The following SGCZ variants were observed in gnomAD, a reference collection of about 807,000 sequenced individuals.
The protein encoded by SGCZ is zeta-sarcoglycan.
Under a neutral mutation model 41.3 loss-of-function variants are expected in SGCZ, and 40 were observed. The ratio of observed to expected loss-of-function variants is 0.97; its 90% CI spans 0.75 to 1.26. SGCZ has a LOEUF of 1.26. Ranked by LOEUF, SGCZ falls within the 50% of genes most tolerant of loss-of-function variation. The probability of loss-of-function intolerance (pLI) is 0.00; values close to 1 mark genes in which losing one functional copy is unlikely to be tolerated. For synonymous variants in SGCZ, 206 were observed against 137.5 expected (o/e 1.50, Z -3.49); for missense variants, 552 against 369.8 (o/e 1.49, Z -4.04).
intron 1 of SGCZ, among the ~76,000 whole-genome samples, chr8:14,834,514 T>A (rs1476050069): frequency 1.3e-5 from 2 of 152,100 alleles, no homozygotes; most frequent in Non-Finnish European, 2.9e-5. Flanking sequence ...GTTCCCCACC[T>A]GAAAAGATGT....
intron 4 of SGCZ, among the ~76,000 whole-genome samples, chr8:14,213,396 A>G (rs1285099319): frequency 1.3e-5 from 2 of 152,126 alleles, no homozygotes; most frequent in Non-Finnish European, 2.9e-5. Flanking sequence ...AAATTGGCCC[A>G]TTTTCCAAGC....
chr8:14,939,275 A>G (rs1044070410), intron 1 of SGCZ, among the ~76,000 whole-genome samples: 4 of 152,120 alleles, frequency 2.6e-5, no homozygotes. Context: ...TCAGCTAAAG[A>G]CACTCTGTGT....
intron 1 of SGCZ, among the ~76,000 whole-genome samples, chr8:15,146,373 T>G (rs1354914081): frequency 6.6e-6 from 1 of 152,152 alleles, no homozygotes; most frequent in African/African-American, 2.4e-5. Context: ...TTTTAAACAT[T>G]TATTTATTAT....
chr8:14,280,472 G>T (rs1002667066), intron 3 of SGCZ, among the ~76,000 whole-genome samples: 1 of 151,676 alleles, frequency 6.6e-6, no homozygotes, highest in Non-Finnish European at 1.5e-5. Flanking sequence ...TTAAGGGACT[G>T]GGCTAAATAT....
intron 1 of SGCZ, among the ~76,000 whole-genome samples, chr8:15,023,384 C>G (rs774109088): frequency 1.4e-4 from 21 of 152,132 alleles, no homozygotes; most frequent in Non-Finnish European, 1.0e-4. Flanking sequence ...AGTTTGCCAT[C>G]AAGTGGAAGA....
At chr8:15,172,397 T>G (rs1218552590) in intron 1 of SGCZ, among the ~76,000 whole-genome samples, 2 of 151,522 alleles carry the variant, frequency 1.3e-5, no homozygotes, top group African/African-American at 4.9e-5. Flanking sequence ...CCTGACCTCG[T>G]GATCTGCCCG....
chr8:15,092,035 G>A (rs1412715825), intron 1 of SGCZ, among the ~76,000 whole-genome samples: 1 of 152,120 alleles, frequency 6.6e-6, no homozygotes, highest in Non-Finnish European at 1.5e-5. Context: ...ATTATAGGAT[G>A]AGGCACCGTG....
rs56662221 is a variant in SGCZ at position 14,621,295 on chromosome 8, G to C, written c.40-66369C>G. Among the ~76,000 whole-genome samples, 265 of 112,244 alleles carry C rather than the reference G, an allele frequency of 2.4e-3. 1 individual carries two copies. The highest frequency in any genetic ancestry group is 8.4e-3 in the African/African-American group (246 of 29,208). 73.6% of individuals were successfully genotyped at this position (112,244 alleles called of 152,430 possible). A position where few individuals can be genotyped will look rare whatever the true frequency, so the allele number is the denominator to read the frequency against. On this transcript the variant is annotated intron_variant, in intron 1 of 7. Coordinates refer to ENST00000382080, the MANE Select transcript of SGCZ (RefSeq NM_139167.4). ...CACACTGGGGCCTGTTGTGGGGTGG[G>C]GGGAGGGGGGAGGGATAGCATTAGG...
At chr8:14,213,455 T>C (rs1211915137) in intron 4 of SGCZ, among the ~76,000 whole-genome samples, 2 of 152,114 alleles carry the variant, frequency 1.3e-5, no homozygotes, top group Non-Finnish European at 2.9e-5. Context: ...TTGGTAAAAC[T>C]ATCCTTCAGG....
Position 14,609,917 on chromosome 8 carries a change from T to C in SGCZ, c.40-54991A>G, listed in dbSNP as rs555879116. ...GTATGACAGCTTTGAGCACCCTAATTTGTTTAATGAGTCAGTAAATAAGCT... is the reference window on the plus strand; with the variant it reads ...GTATGACAGCTTTGAGCACCCTAATCTGTTTAATGAGTCAGTAAATAAGCT... On this transcript the variant is annotated intron_variant, in intron 1 of 7. Coordinates refer to ENST00000382080, the MANE Select transcript of SGCZ (RefSeq NM_139167.4). Among the ~76,000 whole-genome samples, 4 of 152,280 alleles carry C rather than the reference T, an allele frequency of 2.6e-5. No homozygotes were observed. The South Asian group carries it at 8.3e-4, about 32-fold the overall frequency.
chr8:14,092,060 T>C (rs1362851755), intron 7 of SGCZ, among the ~76,000 whole-genome samples: 1 of 152,094 alleles, frequency 6.6e-6, no homozygotes, highest in African/African-American at 2.4e-5. Flanking sequence ...CCCAACACCA[T>C]TTATTAAATA....
At chr8:14,216,953 T>A (rs1052254726) in intron 4 of SGCZ, among the ~76,000 whole-genome samples, 18 of 152,108 alleles carry the variant, frequency 1.2e-4, no homozygotes, top group African/African-American at 4.1e-4. Context: ...TACTGACGTA[T>A]TGGTAGTGAC....
intron 4 of SGCZ, among the ~76,000 whole-genome samples, chr8:14,176,392 C>G (rs532845536): frequency 6.6e-6 from 1 of 152,156 alleles, no homozygotes; most frequent in South Asian, 2.1e-4. Flanking sequence ...AATTTAAAAA[C>G]TTTAAAATAA....
chr8:14,393,228 T>C (rs961654737), intron 2 of SGCZ, among the ~76,000 whole-genome samples: 13 of 152,182 alleles, frequency 8.5e-5, no homozygotes, highest in Non-Finnish European at 1.8e-4. Flanking sequence ...ATGGGAGTCC[T>C]CAGTAAGGCT....
chr8:14,634,793 G>T lies in SGCZ; in HGVS notation c.40-79867C>A, dbSNP rs1484773964. On this transcript the variant is annotated intron_variant, in intron 1 of 7. Transcript: ENST00000382080. ...AAATATCAAAGCCTAAAGGAATAAAGAATTACTTTCCAGATAATTCAGAAA... is the reference window on the plus strand; with the variant it reads ...AAATATCAAAGCCTAAAGGAATAAATAATTACTTTCCAGATAATTCAGAAA... 2.0e-5 allele frequency among the ~76,000 whole-genome samples: 3 copies of T among 151,692 alleles called. No individual in the cohort carries two copies. In the Admixed American group the frequency reaches 2.0e-4, roughly 10 times the overall value.
rs1419266733 is a variant in SGCZ, at chr8:14,554,800, G to A, written c.166C>T (p.Leu56=). ...AAGTTAACTATCATGGTAACCAACA[G>A]CAGAAGGACAAAGAAGTATAAGCAC... ...KRCLYFFVLL[L]LVTMIVNLAM... is the part of the protein sequence containing the mutation. Residue 56 remains leucine, a synonymous_variant, in exon 2 of 8, where the codon CTG becomes TTG. Transcript: ENST00000382080. 6.2e-7 allele frequency: 1 copy of A among 1,613,196 alleles called. No homozygotes were observed. The highest frequency in any genetic ancestry group is 8.5e-7 in the Non-Finnish European group (1 of 1,179,548).
intron 1 of SGCZ, among the ~76,000 whole-genome samples, chr8:15,173,958 G>A (rs1799927758): frequency 6.6e-6 from 1 of 152,098 alleles, no homozygotes; most frequent in South Asian, 2.1e-4. Context: ...CTGGGCTCAA[G>A]CAATCCTTCC....
At chr8:14,825,384 A>T (rs1325879940) in intron 1 of SGCZ, among the ~76,000 whole-genome samples, 1 of 152,198 alleles carries the variant, frequency 6.6e-6, no homozygotes, top group Non-Finnish European at 1.5e-5. Context: ...GATTTATAGT[A>T]ATACGGAACT....
At chr8:14,191,343 C>A (rs1223421483) in intron 4 of SGCZ, among the ~76,000 whole-genome samples, 2 of 152,078 alleles carry the variant, frequency 1.3e-5, no homozygotes, top group Non-Finnish European at 2.9e-5. Context: ...TAGTTTGATA[C>A]AACCTCACTT....
Sources: gnomAD v4.1 joint callset for allele counts (sites outside exome capture counted in the v4.1 genomes callset) on GRCh38, gnomAD v4.1.1 for gene constraint, MANE v1.5 for transcripts, NCBI Gene and HGNC (gene_info 2026-07-23, HGNC 2026-07-21) for gene names.